TMEM40: variants seen among roughly 807,000 people sequenced by gnomAD.
TMEM40 encodes transmembrane protein 40.
In TMEM40, 34 loss-of-function variants were observed where a neutral mutation model predicts 40.8. That is an observed-to-expected ratio of 0.83 (90% CI 0.63 to 1.11). The LOEUF (loss-of-function observed/expected upper bound fraction) is 1.11. Among genes scored for constraint, TMEM40 ranks in the 50% least tolerant of loss-of-function variants. The pLI, the probability that TMEM40 is intolerant of heterozygous loss-of-function variation, is 0.00. For synonymous variants in TMEM40, 106 were observed against 107.0 expected (o/e 0.99, Z 0.06); for missense variants, 296 against 280.2 (o/e 1.06, Z -0.40).
At chr3:12,746,200 T>C (rs1017091676) in intron 3 of TMEM40, among the ~76,000 whole-genome samples, 2 of 152,120 alleles carry the variant, frequency 1.3e-5, no homozygotes, top group Non-Finnish European at 2.9e-5. Context: ...GCCCAGCCTC[T>C]TTTCTTTATA....
chr3:12,738,099 C>T (rs778324338), intron 7 of TMEM40, 37 bp downstream of exon 7: 5 of 1,612,368 alleles, frequency 3.1e-6, no homozygotes, highest in Non-Finnish European at 4.2e-6. Flanking sequence ...GGAATCCACA[C>T]CCGCTCTGGC....
Position 12,736,888 on chromosome 3 carries a change from T to G in TMEM40, c.473-53A>C. On this transcript the variant is annotated intron_variant, in intron 8 of 11. Coordinates refer to ENST00000314124, the MANE Select transcript of TMEM40 (RefSeq NM_018306.4). ...ATCTGCTGCTTTCTCTCTCTTTTTT[T>G]GGGCAGAGGAGACAAGGTCTTGCTC... 8 of 1,611,506 alleles carry G rather than the reference T, an allele frequency of 5.0e-6. No individual in the cohort carries two copies. In the South Asian group the frequency reaches 6.6e-5, roughly 13 times the overall value.
chr3:12,755,216 TC>T (rs1167584610), intron 1 of TMEM40, among the ~76,000 whole-genome samples: 937 of 63,380 alleles, frequency 0.015, 26 homozygotes, highest in African/African-American at 0.072. Context: ...TCTTTCTTTC[TC>T]TCTCTCTCTC....
intron 5 of TMEM40, among the ~76,000 whole-genome samples, chr3:12,739,904 G>C (rs1021522164): frequency 6.6e-5 from 10 of 150,748 alleles, no homozygotes; most frequent in African/African-American, 2.4e-4. Flanking sequence ...ACTCACTGCA[G>C]TCTCAAACTC....
In TMEM40 at chr3:12,748,780, T is replaced by C. The variant is rs369681331; in HGVS notation, c.86A>G (p.Asp29Gly). Residue 29 changes from aspartate (D) to glycine (G), a missense_variant, in exon 3 of 12, where the codon GAT (aspartate) becomes GGT (glycine). Transcript: ENST00000314124. ...ETEDVDYGET[D>G]FHKQDGKAGL... Reference sequence around the variant, plus strand: ...AGCCTTCCCATCTTGCTTGTGGAAATCTGTCTCTCCATCTACAAGGCACAC... The same window carrying C: ...AGCCTTCCCATCTTGCTTGTGGAAACCTGTCTCTCCATCTACAAGGCACAC... 6 of 1,613,948 alleles carry C rather than the reference T, an allele frequency of 3.7e-6. No individual in the cohort carries two copies. In the African/African-American group the frequency reaches 8.0e-5, roughly 22 times the overall value.
chr3:12,750,685 C>T (rs1030369410), intron 1 of TMEM40, among the ~76,000 whole-genome samples: 1 of 152,158 alleles, frequency 6.6e-6, no homozygotes, highest in Non-Finnish European at 1.5e-5. Context: ...TGGGTTAAGG[C>T]AATCCTCCCA....
intron 1 of TMEM40, among the ~76,000 whole-genome samples, chr3:12,754,475 C>G (rs778287623): frequency 1.9e-4 from 29 of 152,208 alleles, no homozygotes; most frequent in Non-Finnish European, 4.4e-5. Context: ...TCTAGCATGT[C>G]TAGCACATAG....
rs1461903745 is a variant in TMEM40, at chr3:12,755,079, CCT to C, written c.-9+4110_-9+4111del. On this transcript the variant is annotated intron_variant, in intron 1 of 11. Coordinates refer to ENST00000314124, the MANE Select transcript of TMEM40 (RefSeq NM_018306.4). The stretch of plus-strand genomic sequence containing the variant: ...TCCTTCCTTCTTTCCTTCTTTCTTT[CCT>C]CTCTCTTCCCTCCCTCCCTCCTTTT... Among the ~76,000 whole-genome samples the C allele has an allele frequency of 4.3e-5, 6 of 139,976 alleles. No individual in the cohort carries two copies. The East Asian group carries it at 1.1e-3, about 26-fold the overall frequency. The allele number at this position is 139,976 out of a possible 152,430, so 91.8% of individuals were successfully genotyped here.
upstream of TMEM40, among the ~76,000 whole-genome samples, chr3:12,761,179 A>G (rs2061566249): frequency 6.6e-6 from 1 of 152,208 alleles, no homozygotes; most frequent in Non-Finnish European, 1.5e-5. Flanking sequence ...ATAATCCTGA[A>G]CAGCCAGAGA....
intron 5 of TMEM40, among the ~76,000 whole-genome samples, chr3:12,740,036 ATATACT>A (rs1332741080): frequency 6.8e-6 from 1 of 147,236 alleles, no homozygotes; most frequent in Non-Finnish European, 1.5e-5. Flanking sequence ...TTTATATATA[ATATACT>A]TATATATTAT....
At chr3:12,763,141 C>T (rs978401141), upstream of TMEM40, among the ~76,000 whole-genome samples, 1 of 115,848 alleles carries the variant, frequency 8.6e-6, no homozygotes, top group Admixed American at 1.3e-4. Flanking sequence ...GCCTGGGCGA[C>T]AGAGTGAGAC....
chr3:12,768,924 C>CG lies in TMEM40; in HGVS notation c.-9+326dup, dbSNP rs1559538147. ...GGGCAGGGCGGGCCGGGGCCGGGGC[C>CG]GGGGCGGGGCGGGGGGGGCGGGGGG... On this transcript the variant is annotated intron_variant, in intron 1 of 11. Transcript: ENST00000264728. 1.6e-3 allele frequency among the ~76,000 whole-genome samples: 161 copies of CG among 98,728 alleles called. 3 individuals carry two copies. The highest frequency in any genetic ancestry group is 4.9e-3 in the African/African-American group (131 of 27,008). The allele number at this position is 98,728 out of a possible 152,430, so 64.8% of individuals were successfully genotyped here. A position where few individuals can be genotyped will look rare whatever the true frequency, so the allele number is the denominator to read the frequency against.
At chr3:12,751,802 A>T (rs915375699) in intron 1 of TMEM40, among the ~76,000 whole-genome samples, 1 of 152,120 alleles carries the variant, frequency 6.6e-6, no homozygotes, top group Non-Finnish European at 1.5e-5. Flanking sequence ...GCTAGAGTGG[A>T]GGAAGAGTTG....
intron 8 of TMEM40, chr3:12,737,484 C>T: frequency 3.3e-6 from 2 of 597,458 alleles, no homozygotes; most frequent in East Asian, 5.6e-5. Context: ...CACTCACAAG[C>T]TGTAAGGCCA....
intron 1 of TMEM40, among the ~76,000 whole-genome samples, chr3:12,756,270 G>A (rs1306595470): frequency 2.6e-5 from 4 of 152,112 alleles, no homozygotes; most frequent in Admixed American, 2.6e-4. Context: ...TTCATTCTGG[G>A]CGTACACTGG....
rs368762353 is a variant in TMEM40 at position 12,739,761 on chromosome 3, T to C, written c.356-1173A>G. Among the ~76,000 whole-genome samples the C allele has an allele frequency of 4.9e-4, 75 of 152,118 alleles. 1 individual carries two copies. The highest frequency in any genetic ancestry group is 1.6e-3 in the African/African-American group (67 of 41,536). On this transcript the variant is annotated intron_variant, in intron 5 of 11. Transcript: ENST00000314124. The stretch of plus-strand genomic sequence containing the variant: ...AAGATGCATCCTGATTTCAGAAATA[T>C]TCAAATGTGAAAAAAATGTGGTATA...
chr3:12,755,233 CTCTTTCTTTCTTTCTT>C (rs749104547), intron 1 of TMEM40, among the ~76,000 whole-genome samples: 94 of 59,960 alleles, frequency 1.6e-3, no homozygotes, highest in Middle Eastern at 0.017. Context: ...CTCTCTCTCT[CTCTTTCTTTCTTTCTT>C]TCTTTCTTTC....
intron 1 of TMEM40, among the ~76,000 whole-genome samples, chr3:12,765,554 G>C (rs1028109383): frequency 1.3e-5 from 2 of 149,450 alleles, no homozygotes; most frequent in African/African-American, 2.5e-5. Context: ...AAGAAAAATG[G>C]CTGTTTGATT....
intron 7 of TMEM40, 123 bp from the exon 8 acceptor site, chr3:12,737,877 C>T: frequency 2.9e-6 from 3 of 1,051,862 alleles, no homozygotes; most frequent in Non-Finnish European, 4.3e-6. Context: ...AGGGCACTCA[C>T]TGCAGGACCA....
Sources: allele counts gnomAD v4.1 joint callset (sites outside exome capture counted in the v4.1 genomes callset), GRCh38; gene constraint gnomAD v4.1.1; transcripts MANE v1.5; gene names NCBI Gene and HGNC (gene_info 2026-07-23, HGNC 2026-07-21).